The following MSH3 variants were observed in gnomAD, a reference collection of about 807,000 sequenced individuals.
MSH3 encodes mutS homolog 3, also known as DNA mismatch repair protein Msh3.
In MSH3, 106 loss-of-function variants were observed where a neutral mutation model predicts 123.3. That is an observed-to-expected ratio of 0.86 (90% CI 0.73 to 1.01). The LOEUF is 1.01. MSH3 is among the 50% of genes least tolerant of loss of function. The probability of loss-of-function intolerance (pLI) is 0.00; values close to 1 mark genes in which losing one functional copy is unlikely to be tolerated. For missense variants in MSH3, 1,459 were observed against 1,347.6 expected, an observed-to-expected ratio of 1.08 and a Z score of -1.29; for synonymous variants, 515 against 481.4, an observed-to-expected ratio of 1.07 and a Z score of -0.91.
intron 10 of MSH3, among the ~76,000 whole-genome samples, chr5:80,735,418 G>A (rs1441084119): frequency 6.7e-6 from 1 of 149,908 alleles, no homozygotes; most frequent in East Asian, 2.0e-4. Context: ...GAGCACAGTG[G>A]CTCAACGCCT....
At chr5:80,798,790 T>G (rs1241480041) in intron 19 of MSH3, among the ~76,000 whole-genome samples, 4 of 152,220 alleles carry the variant, frequency 2.6e-5, no homozygotes, top group Non-Finnish European at 2.9e-5. Context: ...CACTGCTGTC[T>G]CTGCCCAGAA....
intron 8 of MSH3, among the ~76,000 whole-genome samples, chr5:80,681,780 T>C (rs749366300): frequency 6.6e-6 from 1 of 152,118 alleles, no homozygotes; most frequent in South Asian, 2.1e-4. Flanking sequence ...AAATATTTCA[T>C]AATGACATTG....
chr5:80,678,854 G>A (rs946413774), intron 7 of MSH3, 73 bp from the exon 8 acceptor site: 10 of 1,539,096 alleles, frequency 6.5e-6, no homozygotes, highest in African/African-American at 2.7e-5. Context: ...CTTTTTCCAT[G>A]TTTATGCTGT....
chr5:80,862,875 T>C (rs564700443), intron 21 of MSH3, among the ~76,000 whole-genome samples: 1 of 152,186 alleles, frequency 6.6e-6, no homozygotes, highest in African/African-American at 2.4e-5. Context: ...CGAATAAATG[T>C]AGGAAGAATT....
At chr5:80,715,718 C>A (rs934874260) in intron 8 of MSH3, among the ~76,000 whole-genome samples, 5 of 152,002 alleles carry the variant, frequency 3.3e-5, no homozygotes, top group African/African-American at 1.2e-4. Flanking sequence ...GCAGGCAAGT[C>A]CTACATGGCT....
At chr5:80,771,353 T>C (rs2112887000) in intron 15 of MSH3, among the ~76,000 whole-genome samples, 1 of 151,956 alleles carries the variant, frequency 6.6e-6, no homozygotes, top group East Asian at 1.9e-4. Flanking sequence ...GTGGAATGTG[T>C]CTATGCTCCC....
chr5:80,854,190 C>T lies in MSH3; in HGVS notation c.2874C>T (p.Asp958=). The T allele has an allele frequency of 6.2e-7, 1 of 1,613,734 alleles. No homozygotes were observed. Among genetic ancestry groups the T allele is most frequent in the South Asian group, 1.1e-5 (1 of 91,070 alleles). ...GQSTFMEELT[D]TAEIIRKATS... ...GTACATTTATGGAAGAACTGACTGA[C>T]ACAGCAGAAATAATCAGAAAAGCAA... The change falls in exon 21 of 24, where the codon GAC becomes GAT. Residue 958 remains aspartate (D), a synonymous_variant. Coordinates refer to ENST00000265081, the MANE Select transcript of MSH3 (RefSeq NM_002439.5).
chr5:80,811,852 T>C (rs76616901), intron 19 of MSH3, among the ~76,000 whole-genome samples: 4,454 of 152,272 alleles, frequency 0.029, 226 homozygotes, highest in African/African-American at 0.1. Flanking sequence ...CAATATTTGA[T>C]TGTTTTATGA....
chr5:80,766,951 AAAGT>A (rs1309187935), intron 13 of MSH3, among the ~76,000 whole-genome samples: 1 of 152,092 alleles, frequency 6.6e-6, no homozygotes, highest in Non-Finnish European at 1.5e-5. Flanking sequence ...GAATACAAAG[AAAGT>A]GTTACCATGT....
chr5:80,836,027 GA>G (rs1745502811), intron 20 of MSH3, among the ~76,000 whole-genome samples: 1 of 151,844 alleles, frequency 6.6e-6, no homozygotes. Context: ...AGTACTTTTT[GA>G]TATCTTATTA....
chr5:80,701,284 A>G (rs1007240072), intron 8 of MSH3, among the ~76,000 whole-genome samples: 4 of 152,162 alleles, frequency 2.6e-5, no homozygotes, highest in African/African-American at 7.2e-5. Flanking sequence ...TTGAAGACAC[A>G]TTGTTCATGG....
intron 20 of MSH3, among the ~76,000 whole-genome samples, chr5:80,838,850 A>G (rs1745563802): frequency 6.6e-6 from 1 of 152,224 alleles, no homozygotes; most frequent in Admixed American, 6.5e-5. Flanking sequence ...GCTGTGTGAC[A>G]TAAATTTTTA....
intron 10 of MSH3, among the ~76,000 whole-genome samples, chr5:80,740,656 G>A (rs541039858): frequency 1.3e-5 from 2 of 152,096 alleles, no homozygotes; most frequent in South Asian, 4.2e-4. Flanking sequence ...CACTGTGCCT[G>A]GCCGCATGTG....
In MSH3 at chr5:80,853,773, A is replaced by G. The variant is rs1745869040; in HGVS notation, c.2814-357A>G. On this transcript the variant is annotated intron_variant, in intron 20 of 23. Coordinates refer to ENST00000265081, the MANE Select transcript of MSH3 (RefSeq NM_002439.5). Reference sequence around the variant, plus strand: ...CTTTAATTGTACAAGATCTTTGTACAGTATCATGGACTTTTAAACACAGAA... The same window carrying G: ...CTTTAATTGTACAAGATCTTTGTACGGTATCATGGACTTTTAAACACAGAA... 2.6e-5 allele frequency among the ~76,000 whole-genome samples: 4 copies of G among 152,226 alleles called. No individual in the cohort carries two copies. In the South Asian group the frequency reaches 8.3e-4, roughly 31 times the overall value.
Position 80,665,175 on chromosome 5 carries a change from TC to T in MSH3, c.392del (p.Ser131Ter), listed in dbSNP as rs1743016889. ...PKKCLRTRNV[S>X]KSLEKLKEFC... ...GAAATGTCTGAGGACCAGGAATGTT[TC>T]AAAGTCTCTGGAAAAATTGAAAGAA... is the stretch of plus-strand genomic sequence containing the variant. On this transcript the variant is annotated frameshift_variant, in exon 3 of 24. Transcript: ENST00000265081. LOFTEE classifies it high-confidence loss of function. The T allele has an allele frequency of 1.2e-6, 2 of 1,614,074 alleles. No individual in the cohort carries two copies. The highest frequency in any genetic ancestry group is 2.7e-5 in the African/African-American group (2 of 75,038).
intron 17 of MSH3, among the ~76,000 whole-genome samples, chr5:80,786,641 T>C (rs1371601291): frequency 2.6e-5 from 4 of 152,240 alleles, no homozygotes; most frequent in Non-Finnish European, 5.9e-5. Flanking sequence ...ACTTTATACT[T>C]GGCCATTCTT....
intron 17 of MSH3, among the ~76,000 whole-genome samples, chr5:80,786,588 A>T (rs1306465299): frequency 6.6e-6 from 1 of 152,196 alleles, no homozygotes; most frequent in Non-Finnish European, 1.5e-5. Context: ...AGTTACTATA[A>T]AGATTTAAGC....
At chr5:80,869,526 AT>A (rs375739234) in intron 22 of MSH3, among the ~76,000 whole-genome samples, 218 of 152,120 alleles carry the variant, frequency 1.4e-3, no homozygotes, top group African/African-American at 4.9e-3. Context: ...GGAGTACATA[AT>A]TACAGAAAGA....
At chr5:80,815,010 G>A (rs1745076305) in intron 20 of MSH3, among the ~76,000 whole-genome samples, 1 of 152,166 alleles carries the variant, frequency 6.6e-6, no homozygotes, top group African/African-American at 2.4e-5. Context: ...GCATAGTCAA[G>A]CTTTGTGTAT....
Sources: gnomAD v4.1 joint callset for allele counts (sites outside exome capture counted in the v4.1 genomes callset) on GRCh38, gnomAD v4.1.1 for gene constraint, MANE v1.5 for transcripts, NCBI Gene and HGNC (gene_info 2026-07-23, HGNC 2026-07-21) for gene names.